COL6A5: variants seen among roughly 807,000 people sequenced by gnomAD.
COL6A5 encodes collagen alpha-5(VI) chain.
In COL6A5, 48 loss-of-function variants were observed where a neutral mutation model predicts 65.6. That is an observed-to-expected ratio of 0.73 (90% CI 0.58 to 0.93). The LOEUF (loss-of-function observed/expected upper bound fraction) is 0.93, where lower values mean the gene tolerates loss of function less well. Among genes scored for constraint, COL6A5 ranks in the 40% least tolerant of loss-of-function variants. The probability of loss-of-function intolerance (pLI) is 0.00; values close to 1 mark genes in which losing one functional copy is unlikely to be tolerated. For missense variants in COL6A5, 914 were observed against 928.3 expected, an observed-to-expected ratio of 0.98 and a Z score of 0.20; for synonymous variants, 291 against 322.8, an observed-to-expected ratio of 0.90 and a Z score of 1.05.
chr3:130,414,097 G>T lies in COL6A5; in HGVS notation c.4727G>T (p.Gly1576Val), dbSNP rs1169221386. 3.9e-6 allele frequency: 6 copies of T among 1,550,754 alleles called. No individual in the cohort carries two copies. Among genetic ancestry groups the T allele is most frequent in the Non-Finnish European group, 5.2e-6 (6 of 1,146,406 alleles). Residue 1576 changes from glycine to valine, a missense_variant and NMD_transcript_variant, in exon 22 of 42, where the codon GGC becomes GTC. Physicochemically the swap from Gly to Val is moderately radical, Grantham distance 109 (BLOSUM62 -3). Transcript: ENST00000312481. ...GAACCAGGAAATCCTGGACCTACAG[G>T]CACATTGGGAGCTGAAGGATTACAA...
At chr3:130,484,002 A>G (rs745735853) in intron 7 of COL6A5, 33 bp from the exon 41 acceptor site, 3 of 1,596,620 alleles carry the variant, frequency 1.9e-6, no homozygotes, top group Non-Finnish European at 2.6e-6. Flanking sequence ...ATACAATGAC[A>G]TTAAAAGCAG....
At chr3:130,439,405 C>T (rs1457223444) in intron 1 of COL6A5, 117 bp from the exon 34 acceptor site, 14 of 586,402 alleles carry the variant, frequency 2.4e-5, no homozygotes, top group Admixed American at 1.1e-4. Flanking sequence ...GAGCAAAGAG[C>T]TATAATGCAA....
chr3:130,374,701 A>G (rs1577441068), intron 2 of COL6A5, among the ~76,000 whole-genome samples: 1 of 152,164 alleles, frequency 6.6e-6, no homozygotes, highest in East Asian at 1.9e-4. Flanking sequence ...TGATCCTACC[A>G]CCTTGGCCTT....
At chr3:130,456,734 A>C (rs1709582032) in intron 5 of COL6A5, among the ~76,000 whole-genome samples, 1 of 152,132 alleles carries the variant, frequency 6.6e-6, no homozygotes, top group African/African-American at 2.4e-5. Context: ...CTGTTCCAAA[A>C]GTATCATATG....
intron 6 of COL6A5, among the ~76,000 whole-genome samples, chr3:130,390,353 T>C (rs914371946): frequency 6.6e-6 from 1 of 152,164 alleles, no homozygotes; most frequent in African/African-American, 2.4e-5. Flanking sequence ...CTGGGGACAT[T>C]CACAGTGTCA....
At chr3:130,427,598 C>T (rs1391048), upstream of COL6A5, among the ~76,000 whole-genome samples, 3 of 151,872 alleles carry the variant, frequency 2.0e-5, no homozygotes, top group Non-Finnish European at 2.9e-5. Context: ...ATGAAACGAT[C>T]GACCCCAGTG....
At chr3:130,436,353 T>C (rs563987236) in intron 1 of COL6A5, among the ~76,000 whole-genome samples, 63 of 152,218 alleles carry the variant, frequency 4.1e-4, no homozygotes, top group African/African-American at 1.3e-3. Flanking sequence ...CCTTCTCTGC[T>C]ACATTATTCC....
At chr3:130,484,348 G>C in exon 8 of COL6A5, 1 of 409,070 alleles carries the variant, frequency 2.4e-6, no homozygotes, top group Non-Finnish European at 4.3e-6. Context: ...GCACAGTTCA[G>C]GCATCAATTT....
chr3:130,371,609 G>A (rs966675944), intron 1 of COL6A5, among the ~76,000 whole-genome samples: 42 of 151,234 alleles, frequency 2.8e-4, no homozygotes, highest in African/African-American at 5.9e-4. Context: ...CTAGGACAAC[G>A]GTAATTGTAT....
chr3:130,417,652 G>A (rs904926879), intron 24 of COL6A5, among the ~76,000 whole-genome samples: 1 of 130,944 alleles, frequency 7.6e-6, no homozygotes, highest in Non-Finnish European at 1.8e-5. Context: ...GGCTCTGTTG[G>A]GGATCGTCAG....
intron 8 of COL6A5, among the ~76,000 whole-genome samples, chr3:130,395,881 G>C (rs1223306271): frequency 1.4e-5 from 2 of 146,456 alleles, no homozygotes; most frequent in Non-Finnish European, 3.0e-5. Context: ...ATCTTGTAAG[G>C]GACTCGTGTG....
chr3:130,419,029 T>C, intron 25 of COL6A5, 98 bp downstream of exon 25: 1 of 875,334 alleles, frequency 1.1e-6, no homozygotes, highest in South Asian at 1.4e-5. Context: ...ATGGGGGGCA[T>C]GAAAGGTATT....
intron 20 of COL6A5, among the ~76,000 whole-genome samples, chr3:130,410,988 A>G (rs775186435): frequency 1.3e-5 from 2 of 152,186 alleles, no homozygotes; most frequent in African/African-American, 2.4e-5. Flanking sequence ...ACATAAGAAT[A>G]CTATGAACTA....
At position 130,420,323 on chromosome 3, in the gene COL6A5, G is replaced by A. The variant is rs569319368; in HGVS notation, c.4951-830G>A. 7.2e-5 allele frequency among the ~76,000 whole-genome samples: 11 copies of A among 152,076 alleles called. No homozygotes were observed. The South Asian group carries it at 1.2e-3, about 17-fold the overall frequency. ...TAAAAATCACTCTAAACAATGTATC[G>A]TGAGCATATTTTCATGTCATTACAT... On this transcript the variant is annotated intron_variant and NMD_transcript_variant, in intron 25 of 41. Coordinates refer to the COL6A5 transcript ENST00000312481.
exon 4 of COL6A5, chr3:130,379,581 G>T: frequency 4.5e-6 from 7 of 1,551,458 alleles, no homozygotes; most frequent in Non-Finnish European, 6.1e-6. Flanking sequence ...TTGGACTGAT[G>T]AGTTACAGCA....
At chr3:130,385,957 A>C (rs1201598565) in intron 5 of COL6A5, among the ~76,000 whole-genome samples, 1 of 152,108 alleles carries the variant, frequency 6.6e-6, no homozygotes, top group Non-Finnish European at 1.5e-5. Flanking sequence ...ATTTACAACA[A>C]AAACACATAC....
At chr3:130,422,837 T>G in intron 28 of COL6A5, 55 bp downstream of exon 28, 1 of 1,135,018 alleles carries the variant, frequency 8.8e-7, no homozygotes, top group Non-Finnish European at 1.2e-6. Context: ...GACTTTGGCT[T>G]TTATGTTATA....
chr3:130,390,498 G>A (rs2107652428), intron 6 of COL6A5, among the ~76,000 whole-genome samples: 1 of 152,278 alleles, frequency 6.6e-6, no homozygotes, highest in East Asian at 1.9e-4. Flanking sequence ...TGGGGAAAGA[G>A]TCCACACTTT....
At chr3:130,349,084 C>G (rs1257212003) in intron 1 of COL6A5, among the ~76,000 whole-genome samples, 2 of 152,180 alleles carry the variant, frequency 1.3e-5, no homozygotes, top group East Asian at 3.8e-4. Flanking sequence ...TCTCATCCAT[C>G]AAGCCACTCT....
Sources: allele counts gnomAD v4.1 joint callset (sites outside exome capture counted in the v4.1 genomes callset), GRCh38; gene constraint gnomAD v4.1.1; transcripts MANE v1.5; gene names NCBI Gene and HGNC (gene_info 2026-07-23, HGNC 2026-07-21).